ATRX: variants seen among roughly 807,000 people sequenced by gnomAD.
ATRX encodes ATRX chromatin remodeler, also known as chromatin remodeler ATRX.
ATRX carries 12 observed loss-of-function variants against 172.6 expected under a neutral mutation model. The ratio of observed to expected loss-of-function variants is 0.07; its 90% CI spans 0.04 to 0.11. ATRX has a LOEUF of 0.11. Among genes scored for constraint, ATRX ranks in the 10% least tolerant of loss-of-function variants. The pLI is 1.00. For synonymous variants in ATRX, 674 were observed against 594.7 expected (o/e 1.13, Z -1.94); for missense variants, 1,368 against 1,767.4 (o/e 0.77, Z 4.05).
chrX:77,698,584 C>T lies in ATRX; in HGVS notation c.179G>A (p.Ser60Asn). Residue 60 changes from serine (S) to asparagine (N), a missense_variant, in exon 3 of 35, where the codon AGC (serine) becomes AAC (asparagine). Around this residue, in one of 17 missense-constraint regions of ATRX, gnomAD observed 84 missense variants for 82.8 expected, o/e 1.01. Transcript: ENST00000373344. ...SGSNSDMMEN[S>N]KEEGTSSSEK... ...AATAATTATCCTTACCTCTTCCTTG[C>T]TGTTTTCCATCATATCAGAGTTACT... is the stretch of plus-strand genomic sequence containing the variant. 1 of 1,205,479 alleles carries T rather than the reference C, an allele frequency of 8.3e-7. No homozygotes were observed. The highest frequency in any genetic ancestry group is 1.7e-5 in the African/African-American group (1 of 57,753).
chrX:77,555,779 G>A (rs1346063878), intron 30 of ATRX, among the ~76,000 whole-genome samples: 2 of 110,423 alleles, frequency 1.8e-5, no homozygotes, highest in Non-Finnish European at 3.8e-5. Context: ...CCTAGATGAC[G>A]GGTTGATAGG....
rs983541092 is a variant in ATRX, at chrX:77,527,711, C to T, written c.6700-4310G>A. Among the ~76,000 whole-genome samples the T allele has an allele frequency of 1.1e-4, 12 of 111,764 alleles. No individual in the cohort carries two copies. In the East Asian group the frequency reaches 3.1e-3, roughly 29 times the overall value. ...CAGCATGGCTCGGCAGGCCCCATTT[C>T]CATCGCACCTCACAGGCTAAGACCC... is the stretch of plus-strand genomic sequence containing the variant. On this transcript the variant is annotated intron_variant, in intron 30 of 34. Coordinates refer to ENST00000373344, the MANE Select transcript of ATRX (RefSeq NM_000489.6).
At chrX:77,633,952 C>A in intron 17 of ATRX, 1 of 362,999 alleles carries the variant, frequency 2.8e-6, no homozygotes, top group Admixed American at 4.7e-5. Context: ...ATAAAATGAT[C>A]CCATACCAAT....
At chrX:77,656,228 A>G (rs2069544702) in intron 13 of ATRX, among the ~76,000 whole-genome samples, 1 of 111,620 alleles carries the variant, frequency 9.0e-6, no homozygotes, top group Non-Finnish European at 1.9e-5. Context: ...ATTTATACAA[A>G]CAGAAAGTAG....
intron 2 of ATRX, among the ~76,000 whole-genome samples, chrX:77,704,305 C>T (rs1603253441): frequency 8.9e-6 from 1 of 111,980 alleles, no homozygotes; most frequent in Admixed American, 9.4e-5. Context: ...GAGTGGGTTG[C>T]TCCTCTCTGC....
intron 1 of ATRX, among the ~76,000 whole-genome samples, chrX:77,776,966 C>T (rs2076371214): frequency 9.1e-6 from 1 of 110,496 alleles, no homozygotes; most frequent in African/African-American, 3.3e-5. Context: ...ACATTTTAGG[C>T]TTTGTGGGCT....
chrX:77,513,309 T>C (rs1192409418), intron 34 of ATRX, among the ~76,000 whole-genome samples: 1 of 55,853 alleles, frequency 1.8e-5, no homozygotes, highest in Non-Finnish European at 3.0e-5. Context: ...AGAGCGAGAC[T>C]CCGTCTCAAA....
chrX:77,758,480 G>C (rs2075593994), intron 1 of ATRX, among the ~76,000 whole-genome samples: 1 of 108,741 alleles, frequency 9.2e-6, no homozygotes, highest in African/African-American at 3.4e-5. Flanking sequence ...TGCTCGCCGG[G>C]CACGGTGGCT....
intron 15 of ATRX, among the ~76,000 whole-genome samples, chrX:77,649,008 T>C (rs1307086576): frequency 9.1e-6 from 1 of 109,909 alleles, no homozygotes; most frequent in East Asian, 2.9e-4. Flanking sequence ...ATCTCTAAAA[T>C]AAAAAATTAA....
At chrX:77,715,848 A>G (rs1261522719) in intron 2 of ATRX, among the ~76,000 whole-genome samples, 1 of 111,225 alleles carries the variant, frequency 9.0e-6, no homozygotes, top group African/African-American at 3.3e-5. Flanking sequence ...AATTACACAT[A>G]TGGTTGAACT....
rs1557085918 is a variant in ATRX, at chrX:77,599,568, T to C, written c.5799A>G (p.Lys1933=). The C allele has an allele frequency of 8.3e-7, 1 of 1,209,503 alleles. No homozygotes were observed. Among genetic ancestry groups the C allele is most frequent in the Admixed American group, 2.2e-5 (1 of 45,726 alleles). The part of the protein sequence containing the change: ...SSDDYTKKKK[K]GKKGKKDSSS... The stretch of plus-strand genomic sequence containing the variant: ...TACTATCTTTTTTCCCCTTTTTCCC[T>C]TTTTTCTTCTTTCTAAAAACAAACA... The change falls in exon 25 of 35, where the codon AAA becomes AAG. Residue 1933 remains lysine (K), a synonymous_variant. Coordinates refer to ENST00000373344, the MANE Select transcript of ATRX (RefSeq NM_000489.6).
intron 1 of ATRX, among the ~76,000 whole-genome samples, chrX:77,749,105 C>G (rs921561606): frequency 9.0e-6 from 1 of 110,621 alleles, no homozygotes; most frequent in Admixed American, 9.7e-5. Flanking sequence ...CCCTCACCCC[C>G]CTGCCACCCT....
intron 7 of ATRX, among the ~76,000 whole-genome samples, chrX:77,686,880 T>C (rs1557144236): frequency 9.3e-6 from 1 of 107,490 alleles, no homozygotes; most frequent in Non-Finnish European, 1.9e-5. Context: ...GGCTGGGTGT[T>C]TGGTGGCTCA....
intron 5 of ATRX, 99 bp from the exon 6 acceptor site, chrX:77,694,036 T>C (rs2072046210): frequency 1.5e-6 from 1 of 689,369 alleles, no homozygotes; most frequent in African/African-American, 2.1e-5. Context: ...GGTACATAGT[T>C]TGTTTCTTTC....
chrX:77,752,294 T>C lies in ATRX; in HGVS notation c.20+33688A>G, dbSNP rs782796189. ...TGGCTGTTTGTCTATTATTGGTACATAGGAATGCTTATGATTTTTGCACAC... is the reference window on the plus strand; with the variant it reads ...TGGCTGTTTGTCTATTATTGGTACACAGGAATGCTTATGATTTTTGCACAC... On this transcript the variant is annotated intron_variant, in intron 1 of 34. Transcript: ENST00000373344. 1.1e-4 allele frequency among the ~76,000 whole-genome samples: 12 copies of C among 111,718 alleles called. No individual in the cohort carries two copies. The South Asian group carries it at 1.1e-3, about 10-fold the overall frequency.
intron 27 of ATRX, among the ~76,000 whole-genome samples, chrX:77,577,731 G>A (rs911356063): frequency 1.5e-4 from 17 of 111,505 alleles, no homozygotes; most frequent in African/African-American, 4.9e-4. Context: ...CCAAAAAACA[G>A]AAACAGGAAC....
At chrX:77,685,568 G>C in intron 7 of ATRX, among the ~76,000 whole-genome samples, 1 of 112,007 alleles carries the variant, frequency 8.9e-6, no homozygotes, top group Non-Finnish European at 1.9e-5. Context: ...GGAGAAAAGG[G>C]AACCCTTGTA....
chrX:77,743,007 T>C (rs1382868727), intron 1 of ATRX, among the ~76,000 whole-genome samples: 1 of 110,972 alleles, frequency 9.0e-6, no homozygotes, highest in Admixed American at 9.7e-5. Flanking sequence ...CTTGGGCTGC[T>C]GTTTGGAGAG....
At chrX:77,707,960 A>G (rs1557158025) in intron 2 of ATRX, among the ~76,000 whole-genome samples, 1 of 112,176 alleles carries the variant, frequency 8.9e-6, no homozygotes, top group African/African-American at 3.2e-5. Flanking sequence ...AGAACTCACA[A>G]TCTTTATATA....
Sources: allele counts gnomAD v4.1 joint callset (sites outside exome capture counted in the v4.1 genomes callset), GRCh38; gene constraint gnomAD v4.1.1; regional missense constraint gnomAD v4.1.1; transcripts MANE v1.5; gene names NCBI Gene and HGNC (gene_info 2026-07-23, HGNC 2026-07-21).